AKAIN1: variants seen among roughly 807,000 people sequenced by gnomAD.
AKAIN1 encodes the protein A-kinase anchor protein inhibitor 1.
Under a neutral mutation model 3.7 loss-of-function variants are expected in AKAIN1, and 3 were observed. That is an observed-to-expected ratio of 0.82 (90% confidence interval 0.37 to 2.12). The LOEUF (loss-of-function observed/expected upper bound fraction) is 2.12. Ranked by LOEUF, AKAIN1 falls within the 30% of genes most tolerant of loss-of-function variation. AKAIN1 has a pLI of 0.06. For missense variants in AKAIN1, 82 were observed against 82.7 expected, an observed-to-expected ratio of 0.99 and a Z score of 0.03; for synonymous variants, 31 against 30.8, an observed-to-expected ratio of 1.01 and a Z score of -0.02.
At chr18:5,153,116 G>A (rs2071088491) in intron 1 of AKAIN1, among the ~76,000 whole-genome samples, 1 of 152,176 alleles carries the variant, frequency 6.6e-6, no homozygotes, top group Non-Finnish European at 1.5e-5. Context: ...CAAGCGGCTG[G>A]TTGACTAACA....
At chr18:5,192,245 G>GTTGT (rs1489449273) in intron 1 of AKAIN1, among the ~76,000 whole-genome samples, 1 of 151,982 alleles carries the variant, frequency 6.6e-6, no homozygotes, top group Non-Finnish European at 1.5e-5. Context: ...AGGTTTTGTT[G>GTTGT]TTGTTTGTTT....
At chr18:5,157,239 G>A (rs1039886484) in intron 1 of AKAIN1, among the ~76,000 whole-genome samples, 4 of 152,176 alleles carry the variant, frequency 2.6e-5, no homozygotes, top group Non-Finnish European at 5.9e-5. Flanking sequence ...CCTTCCTGCT[G>A]CAGCTTCCGT....
At chr18:5,189,066 CA>C (rs2071303796) in intron 1 of AKAIN1, among the ~76,000 whole-genome samples, 1 of 152,216 alleles carries the variant, frequency 6.6e-6, no homozygotes, top group African/African-American at 2.4e-5. Flanking sequence ...GGTAGAGCTA[CA>C]CCTGAGCCCA....
intron 1 of AKAIN1, among the ~76,000 whole-genome samples, chr18:5,156,071 A>T (rs2071106421): frequency 6.6e-6 from 1 of 152,192 alleles, no homozygotes; most frequent in Non-Finnish European, 1.5e-5. Context: ...AATGGAGTCC[A>T]GAGGTTTCCT....
chr18:5,190,156 C>G (rs188210162), intron 1 of AKAIN1, among the ~76,000 whole-genome samples: 1 of 152,082 alleles, frequency 6.6e-6, no homozygotes, highest in Non-Finnish European at 1.5e-5. Flanking sequence ...CTCACTTCTG[C>G]GATAACTAAT....
In AKAIN1 at chr18:5,197,003, C is replaced by T. The variant is rs938156583; in HGVS notation, c.16+35G>A. On this transcript the variant is annotated intron_variant, in intron 1 of 1. Transcript: ENST00000434239. This position sits in a 1 kb window ranked among gnomAD's most constrained non-coding sequence, Gnocchi z 6.9. Reference sequence around the variant, plus strand: ...CTCCGTCCTCTACCCTGCTCCCCTCCTAGACACTTGGTGAAAAAGCAAGGT... The same window carrying T: ...CTCCGTCCTCTACCCTGCTCCCCTCTTAGACACTTGGTGAAAAAGCAAGGT... 1.3e-6 allele frequency: 2 copies of T among 1,532,644 alleles called. No homozygotes were observed. The highest frequency in any genetic ancestry group is 1.8e-6 in the Non-Finnish European group (2 of 1,129,634). 94.9% of individuals were successfully genotyped at this position (1,532,644 alleles called of 1,614,324 possible). A position where few individuals can be genotyped will look rare whatever the true frequency, so the allele number is the denominator to read the frequency against.
Position 5,145,048 on chromosome 18 carries a change from T to G in AKAIN1, c.*514A>C, listed in dbSNP as rs1476808881. ...GGTCCCGAGGGACTCAGCCTTAGAA[T>G]TTCCCTTTTCTTAATTTGATCTTAG... On this transcript the variant is annotated 3_prime_UTR_variant, in exon 2 of 2. Coordinates refer to ENST00000434239, the MANE Select transcript of AKAIN1 (RefSeq NM_001145194.2). Among the ~76,000 whole-genome samples, 1 of 152,160 alleles carries G rather than the reference T, an allele frequency of 6.6e-6. No individual in the cohort carries two copies. Among genetic ancestry groups the G allele is most frequent in the Admixed American group, 6.5e-5 (1 of 15,272 alleles).
chr18:5,164,614 C>A (rs1218629567), intron 1 of AKAIN1, among the ~76,000 whole-genome samples: 3 of 151,970 alleles, frequency 2.0e-5, no homozygotes, highest in African/African-American at 7.2e-5. Context: ...ACAGATAACA[C>A]CTCTGTCACA....
At chr18:5,166,839 T>G (rs1192702424) in intron 1 of AKAIN1, among the ~76,000 whole-genome samples, 2 of 152,106 alleles carry the variant, frequency 1.3e-5, no homozygotes, top group African/African-American at 4.8e-5. Context: ...CTGTTTCCTC[T>G]TGAATCAGTT....
intron 1 of AKAIN1, among the ~76,000 whole-genome samples, chr18:5,150,681 G>A (rs2071075342): frequency 6.6e-6 from 1 of 152,050 alleles, no homozygotes; most frequent in Non-Finnish European, 1.5e-5. Context: ...AGACCACTGT[G>A]AGCTCTGCAG....
intron 1 of AKAIN1, among the ~76,000 whole-genome samples, chr18:5,155,350 C>T (rs952620429): frequency 6.6e-6 from 1 of 152,102 alleles, no homozygotes; most frequent in Non-Finnish European, 1.5e-5. Context: ...AAATCGGGAC[C>T]CGGGAGAGGT....
At chr18:5,182,312 T>C (rs1455506709) in intron 1 of AKAIN1, among the ~76,000 whole-genome samples, 1 of 152,166 alleles carries the variant, frequency 6.6e-6, no homozygotes. Flanking sequence ...TGCAAATGTA[T>C]ATAAGATGCA....
chr18:5,177,843 A>G (rs1231522088), intron 1 of AKAIN1, among the ~76,000 whole-genome samples: 1 of 152,034 alleles, frequency 6.6e-6, no homozygotes, highest in East Asian at 1.9e-4. Context: ...CACTGCCCCT[A>G]TTTCTTCATT....
intron 1 of AKAIN1, among the ~76,000 whole-genome samples, chr18:5,153,684 G>A (rs539813681): frequency 6.6e-6 from 1 of 152,182 alleles, no homozygotes; most frequent in Admixed American, 6.5e-5. Context: ...GAGCACAGAG[G>A]ATTTTCAAGA....
intron 1 of AKAIN1, 146 bp from the exon 2 acceptor site, chr18:5,145,901 A>G: frequency 3.0e-6 from 2 of 659,898 alleles, no homozygotes; most frequent in Non-Finnish European, 5.2e-6. Flanking sequence ...GAAGCCCACT[A>G]GAGCACATAC....
intron 1 of AKAIN1, among the ~76,000 whole-genome samples, chr18:5,149,023 C>G (rs1476436828): frequency 2.0e-5 from 3 of 152,134 alleles, no homozygotes; most frequent in Non-Finnish European, 2.9e-5. Context: ...ATGCGAAACC[C>G]AGGTTGCTCT....
chr18:5,185,372 G>C (rs1290555633), intron 1 of AKAIN1, among the ~76,000 whole-genome samples: 1 of 152,134 alleles, frequency 6.6e-6, no homozygotes, highest in Non-Finnish European at 1.5e-5. Context: ...AAGAGCTTTT[G>C]CGCAGCAAAA....
At chr18:5,185,757 G>T (rs997209361) in intron 1 of AKAIN1, among the ~76,000 whole-genome samples, 1 of 152,134 alleles carries the variant, frequency 6.6e-6, no homozygotes, top group Non-Finnish European at 1.5e-5. Context: ...GTGTAAATTA[G>T]TTCAGCCATT....
At chr18:5,161,312 C>T (rs928224826) in intron 1 of AKAIN1, among the ~76,000 whole-genome samples, 1 of 151,774 alleles carries the variant, frequency 6.6e-6, no homozygotes, top group Non-Finnish European at 1.5e-5. Flanking sequence ...TTATATTTTT[C>T]TTTAAATTGT....
Sources: gnomAD v4.1 joint callset for allele counts (sites outside exome capture counted in the v4.1 genomes callset) on GRCh38, gnomAD v4.1.1 for gene constraint, Gnocchi (gnomAD v3.1) non-coding constraint, MANE v1.5 for transcripts, NCBI Gene and HGNC (gene_info 2026-07-23, HGNC 2026-07-21) for gene names.